Variants in PPP1R13L observed in about 807,000 individuals in gnomAD.
PPP1R13L encodes the protein relA-associated inhibitor.
PPP1R13L carries 50 observed loss-of-function variants against 80.9 expected under a neutral mutation model. The ratio of observed to expected loss-of-function variants is 0.62; its 90% confidence interval spans 0.49 to 0.78. PPP1R13L has a LOEUF of 0.78. PPP1R13L is among the 30% of genes least tolerant of loss of function. PPP1R13L has a pLI of 0.00. For synonymous variants in PPP1R13L, 602 were observed against 534.3 expected, an observed-to-expected ratio of 1.13 and a Z score of -1.75; for missense variants, 1,200 against 1,205.9, an observed-to-expected ratio of 1.00 and a Z score of 0.07.
At chr19:45,395,189 T>G in intron 7 of PPP1R13L, 2 of 529,620 alleles carry the variant, frequency 3.8e-6, no homozygotes, top group Non-Finnish European at 6.8e-6. Flanking sequence ...CCCAGTGAGG[T>G]TAAGTGACTT....
chr19:45,396,278 T>C lies in PPP1R13L; in HGVS notation c.812-19A>G. 6.2e-7 allele frequency: 1 copy of C among 1,613,188 alleles called. No homozygotes were observed. On this transcript the variant is annotated intron_variant, in intron 5 of 12. Transcript: ENST00000360957. The surrounding 1 kb of genome is among the most constrained non-coding windows in gnomAD (Gnocchi z 5.3). ...TCCAGGCCTGCGGGGCGGGAATCAT[T>C]AGGGTCTGTGGGGCTGCCTCTCCTC... is the stretch of plus-strand genomic sequence containing the variant.
chr19:45,392,823 T>C (rs1184784746), intron 7 of PPP1R13L: 1 of 248,188 alleles, frequency 4.0e-6, no homozygotes, highest in Middle Eastern at 1.5e-3. Context: ...TGTTTAATGA[T>C]TTCTTCTCTG....
At chr19:45,381,803 G>C (rs747647320) in intron 12 of PPP1R13L, among the ~76,000 whole-genome samples, 1 of 151,794 alleles carries the variant, frequency 6.6e-6, no homozygotes, top group East Asian at 1.9e-4. Flanking sequence ...AGCCGTGCGT[G>C]GTGGCATGCG....
At chr19:45,381,887 C>A (rs1380250835) in intron 12 of PPP1R13L, among the ~76,000 whole-genome samples, 1 of 151,666 alleles carries the variant, frequency 6.6e-6, no homozygotes, top group Non-Finnish European at 1.5e-5. Flanking sequence ...TTGCAGTGAG[C>A]CCACATCTTA....
intron 7 of PPP1R13L, chr19:45,395,206 G>A (rs1973056961): frequency 1.7e-6 from 1 of 578,872 alleles, no homozygotes; most frequent in Non-Finnish European, 3.1e-6. Context: ...ACTTGCCCAA[G>A]GTCACACAGC....
chr19:45,392,324 G>C lies in PPP1R13L; in HGVS notation c.1371C>G (p.Pro457=). 6.2e-7 allele frequency: 1 copy of C among 1,613,220 alleles called. No homozygotes were observed. The highest frequency in any genetic ancestry group is 8.5e-7 in the Non-Finnish European group (1 of 1,179,998). The change falls in exon 8 of 13, where the codon CCC becomes CCG. Residue 457 remains proline, a synonymous_variant. Transcript: ENST00000360957. ...PPVNEGPPKP[P]TELEPEPEIE... is the part of the protein sequence containing the mutation. ...TCTCCGGCTCAGGCTCCAGCTCGGT[G>C]GGGGGTTTGGGGGGTCCTAGCCGGA...
At chr19:45,389,027 C>T (rs1290772701) in intron 8 of PPP1R13L, among the ~76,000 whole-genome samples, 1 of 152,194 alleles carries the variant, frequency 6.6e-6, no homozygotes, top group Non-Finnish European at 1.5e-5. Flanking sequence ...CATGAGCCAC[C>T]GTGCCCAGCC....
intron 1 of PPP1R13L, among the ~76,000 whole-genome samples, chr19:45,402,592 A>C (rs980009064): frequency 4.6e-5 from 7 of 151,994 alleles, no homozygotes; most frequent in African/African-American, 1.7e-4. Context: ...GGTGCTGTAC[A>C]TCCCGGGGCA....
In PPP1R13L at chr19:45,380,205, T is replaced by A. The variant is rs754516142; in HGVS notation, c.2472A>T (p.Gln824His). The change falls in exon 13 of 13, where the codon CAA becomes CAT. Residue 824 changes from glutamine (Q) to histidine (H), a missense_variant. By Grantham distance (24) the Gln-to-His change is conservative (BLOSUM62 0). Coordinates refer to ENST00000360957, the MANE Select transcript of PPP1R13L (RefSeq NM_006663.4). ...TTCTATCCTGCTAGACTTTACTCCT[T>A]TGAGGCTTCACCCTGGGGAACAGCT... The part of the protein sequence containing the change: ...YFGLFPRVKP[Q>H]RSKV 2 of 1,614,060 alleles carry A rather than the reference T, an allele frequency of 1.2e-6. No homozygotes were observed. Among genetic ancestry groups the A allele is most frequent in the South Asian group, 2.2e-5 (2 of 91,074 alleles).
At chr19:45,397,221 G>A (rs950996896) in intron 3 of PPP1R13L, among the ~76,000 whole-genome samples, 163 bp from the exon 4 acceptor site, 1 of 152,104 alleles carries the variant, frequency 6.6e-6, no homozygotes, top group East Asian at 1.9e-4. Context: ...TAGTGGTGGG[G>A]AGACAGCCCT....
rs767430533 is a variant in PPP1R13L, at chr19:45,396,173, C to T, written c.898G>A (p.Gly300Ser). 6.2e-7 allele frequency: 1 copy of T among 1,607,126 alleles called. No homozygotes were observed. The highest frequency in any genetic ancestry group is 1.1e-5 in the South Asian group (1 of 89,938). Residue 300 changes from glycine (G) to serine (S), a missense_variant, in exon 6 of 13, where the codon GGC (glycine) becomes AGC (serine). Physicochemically the swap from Gly to Ser is moderately conservative, Grantham distance 56. This residue lies in a region of PPP1R13L where 764 missense variants were observed against 714.5 expected (regional missense o/e 1.07). Transcript: ENST00000360957. This position sits in a 1 kb window ranked among gnomAD's most constrained non-coding sequence, Gnocchi z 5.3. ...CCCAGGCGTCGCCTCCTCACCTTGC[C>T]GGTGCCCCCCAGTCCATCCAGGCTG... Reference protein sequence around the residue: ...ESSLDGLGGTGKDNLTSATLP... With the variant: ...ESSLDGLGGTSKDNLTSATLP...
At position 45,385,739 on chromosome 19, in the gene PPP1R13L, G is replaced by C; in HGVS notation, c.2082-11C>G. 1 of 1,606,640 alleles carries C rather than the reference G, an allele frequency of 6.2e-7. No homozygotes were observed. Among genetic ancestry groups the C allele is most frequent in the Non-Finnish European group, 8.5e-7 (1 of 1,175,952 alleles). On this transcript the variant is annotated splice_polypyrimidine_tract_variant and intron_variant, in intron 10 of 12. Transcript: ENST00000360957. Reference sequence around the variant, plus strand: ...CAGTGCAAGGGTGTCCTAGGCGTGGGGGTGGGGGGTTGCGGGGAACGATGC... The same window carrying C: ...CAGTGCAAGGGTGTCCTAGGCGTGGCGGTGGGGGGTTGCGGGGAACGATGC...
chr19:45,382,579 C>G lies in PPP1R13L; in HGVS notation c.2396G>C (p.Trp799Ser), dbSNP rs748300482. ...RRDGPEETDW[W>S]WAALHGQEGY... ...CTCCTGGCCGTGCAGCGCGGCCCAC[C>G]ACCAGTCGGTCTCCTCCGGCCCGTC... is the stretch of plus-strand genomic sequence containing the variant. Residue 799 changes from tryptophan (W) to serine (S), a missense_variant, in exon 12 of 13, where the codon TGG (tryptophan) becomes TCG (serine). Around this residue, in one of 5 missense-constraint regions of PPP1R13L, gnomAD observed 165 missense variants for 177.1 expected, o/e 0.93. Coordinates refer to ENST00000360957, the MANE Select transcript of PPP1R13L (RefSeq NM_006663.4). The G allele has an allele frequency of 3.1e-6, 5 of 1,613,440 alleles. No homozygotes were observed. The highest frequency in any genetic ancestry group is 2.2e-5 in the East Asian group (1 of 44,894).
intron 8 of PPP1R13L, among the ~76,000 whole-genome samples, chr19:45,387,462 G>A (rs1211148515): frequency 6.6e-6 from 1 of 152,186 alleles, no homozygotes; most frequent in African/African-American, 2.4e-5. Flanking sequence ...AGAAATGCTA[G>A]GCTGTGCTAT....
intron 12 of PPP1R13L, among the ~76,000 whole-genome samples, chr19:45,381,298 G>A (rs937115503): frequency 1.3e-5 from 2 of 151,444 alleles, no homozygotes; most frequent in African/African-American, 4.8e-5. Flanking sequence ...CTGACCTCAG[G>A]AGATCCGCCC....
chr19:45,388,582 A>G (rs1972911807), intron 8 of PPP1R13L, among the ~76,000 whole-genome samples: 1 of 151,956 alleles, frequency 6.6e-6, no homozygotes, highest in South Asian at 2.1e-4. Flanking sequence ...CTCGATAATA[A>G]TAACCCTCTA....
intron 11 of PPP1R13L, among the ~76,000 whole-genome samples, chr19:45,383,414 C>A (rs1350030949): frequency 6.6e-6 from 1 of 150,640 alleles, no homozygotes; most frequent in Non-Finnish European, 1.5e-5. Context: ...CCTGCCTCAG[C>A]CTTCCAAGTA....
intron 1 of PPP1R13L, 73 bp from the exon 2 acceptor site, chr19:45,398,412 C>T (rs974730289): frequency 2.8e-6 from 4 of 1,445,736 alleles, no homozygotes; most frequent in Non-Finnish European, 2.8e-6. Flanking sequence ...AGTCAGACGC[C>T]GTCAGGAGCG....
At chr19:45,382,203 C>T (rs1972776138) in intron 12 of PPP1R13L, among the ~76,000 whole-genome samples, 1 of 151,896 alleles carries the variant, frequency 6.6e-6, no homozygotes, top group African/African-American at 2.4e-5. Flanking sequence ...CATTGCACTC[C>T]AGCCTGGGCG....
Sources: gnomAD v4.1 joint callset for allele counts (sites outside exome capture counted in the v4.1 genomes callset) on GRCh38, gnomAD v4.1.1 for gene constraint, gnomAD v4.1.1 regional missense constraint, Gnocchi (gnomAD v3.1) non-coding constraint, MANE v1.5 for transcripts, NCBI Gene and HGNC (gene_info 2026-07-23, HGNC 2026-07-21) for gene names.